The following RIT2 variants were observed in gnomAD, a reference collection of about 807,000 sequenced individuals.
The protein encoded by RIT2 is Ras like without CAAX 2.
RIT2 carries 24 observed loss-of-function variants against 23.7 expected under a neutral mutation model. The ratio of observed to expected loss-of-function variants is 1.01; its 90% CI spans 0.73 to 1.43. The LOEUF is 1.43. RIT2 is among the 40% of genes most tolerant of loss of function. The probability of loss-of-function intolerance (pLI) is 0.00; values close to 1 mark genes in which losing one functional copy is unlikely to be tolerated. For synonymous variants in RIT2, 107 were observed against 91.1 expected (o/e 1.17, Z -0.99); for missense variants, 236 against 266.9 (o/e 0.88, Z 0.81).
intron 4 of RIT2, among the ~76,000 whole-genome samples, chr18:42,908,377 A>G (rs1266234230): frequency 1.3e-5 from 2 of 152,172 alleles, no homozygotes; most frequent in East Asian, 1.9e-4. Context: ...CTAAGAAAGT[A>G]TTCAAATAAA....
rs1910163215 is a variant in RIT2, at chr18:42,964,351, G to A, written c.234+9723C>T. Among the ~76,000 whole-genome samples the A allele has an allele frequency of 1.3e-5, 2 of 151,790 alleles. 1 individual carries two copies. The highest frequency in any genetic ancestry group is 4.2e-4 in the South Asian group (2 of 4,812). On this transcript the variant is annotated intron_variant, in intron 3 of 4. Coordinates refer to ENST00000326695, the MANE Select transcript of RIT2 (RefSeq NM_002930.4). ...TGGTTCCTAAATAAGATAGCTACTAGATGAAAAGCTACATGCCTCCCCAGT... is the reference window on the plus strand; with the variant it reads ...TGGTTCCTAAATAAGATAGCTACTAAATGAAAAGCTACATGCCTCCCCAGT...
At chr18:43,010,919 G>A (rs1008473928) in intron 2 of RIT2, among the ~76,000 whole-genome samples, 2 of 151,712 alleles carry the variant, frequency 1.3e-5, no homozygotes, top group Admixed American at 6.6e-5. Flanking sequence ...CTGTTCCCAA[G>A]GTATATTTCT....
intron 4 of RIT2, among the ~76,000 whole-genome samples, chr18:42,873,261 C>T (rs924639760): frequency 7.9e-5 from 12 of 151,998 alleles, no homozygotes; most frequent in Admixed American, 5.9e-4. Flanking sequence ...GCTTTTTGTG[C>T]TTTATCTATT....
chr18:43,035,925 A>T (rs533890017), intron 1 of RIT2, among the ~76,000 whole-genome samples: 1 of 152,284 alleles, frequency 6.6e-6, no homozygotes, highest in South Asian at 2.1e-4. Context: ...TTTCTTTAAC[A>T]ATGTTAAGAA....
chr18:43,105,112 G>GTGTT (rs1214519054), intron 1 of RIT2, among the ~76,000 whole-genome samples: 1 of 150,800 alleles, frequency 6.6e-6, no homozygotes, highest in Non-Finnish European at 1.5e-5. Flanking sequence ...GTGTGTGTGT[G>GTGTT]TGTGTGTGTG....
At chr18:42,798,345 C>G (rs956448407) in intron 4 of RIT2, among the ~76,000 whole-genome samples, 2 of 152,122 alleles carry the variant, frequency 1.3e-5, no homozygotes, top group African/African-American at 4.8e-5. Context: ...GGAAATGGTA[C>G]CCCACAGTCA....
intron 2 of RIT2, among the ~76,000 whole-genome samples, chr18:43,030,535 C>T (rs1173188203): frequency 3.9e-5 from 6 of 152,028 alleles, no homozygotes. Context: ...TAATACAACA[C>T]TAGGAACCAT....
intron 4 of RIT2, among the ~76,000 whole-genome samples, chr18:42,834,545 T>C (rs1426148966): frequency 6.6e-6 from 1 of 152,080 alleles, no homozygotes; most frequent in Non-Finnish European, 1.5e-5. Context: ...TGTCTCTCTC[T>C]AAAACACACA....
intron 1 of RIT2, among the ~76,000 whole-genome samples, chr18:43,073,497 A>G (rs779982241): frequency 5.3e-5 from 8 of 152,204 alleles, no homozygotes; most frequent in Non-Finnish European, 7.3e-5. Flanking sequence ...ATATATTTAC[A>G]TGTAAATTAT....
intron 3 of RIT2, among the ~76,000 whole-genome samples, chr18:42,960,341 G>A (rs565010615): frequency 1.6e-3 from 244 of 152,178 alleles, no homozygotes; most frequent in African/African-American, 5.3e-3. Flanking sequence ...ATGGAGTCTC[G>A]CTCTGTCGCC....
At chr18:42,932,593 G>A (rs1233909086) in intron 3 of RIT2, among the ~76,000 whole-genome samples, 1 of 152,078 alleles carries the variant, frequency 6.6e-6, no homozygotes. Context: ...TTACCATTGT[G>A]CCTTCAGACA....
chr18:42,844,070 AC>A (rs1906841159), intron 4 of RIT2, among the ~76,000 whole-genome samples: 1 of 152,208 alleles, frequency 6.6e-6, no homozygotes, highest in Admixed American at 6.5e-5. Flanking sequence ...TTCTCAGCCT[AC>A]CATGCTCAAC....
intron 2 of RIT2, among the ~76,000 whole-genome samples, chr18:43,019,944 C>CAA (rs568472841): frequency 7.2e-6 from 1 of 139,012 alleles, no homozygotes; most frequent in African/African-American, 2.6e-5. Flanking sequence ...CAATAGTTAC[C>CAA]AAAAAAAAAA....
intron 4 of RIT2, among the ~76,000 whole-genome samples, chr18:42,760,919 T>A (rs1913285817): frequency 6.6e-6 from 1 of 152,224 alleles, no homozygotes; most frequent in Non-Finnish European, 1.5e-5. Context: ...CTCCTATGAT[T>A]AGATATTCTA....
Position 43,115,448 on chromosome 18 carries a change from T to G in RIT2, c.72A>C (p.Val24=). Residue 24 remains valine (V), a synonymous_variant, in exon 1 of 5, where the codon GTA becomes GTC. Transcript: ENST00000326695. ...TACCAACTCCCCCTGCTCCCAGCAT[T>G]ACCACCTTGTACTCTCTGGACCCGC... The part of the protein sequence containing the change: ...ASGGSREYKV[V]MLGAGGVGKS... 6.2e-7 allele frequency: 1 copy of G among 1,613,542 alleles called. No homozygotes were observed. The highest frequency in any genetic ancestry group is 2.2e-5 in the East Asian group (1 of 44,782).
intron 1 of RIT2, among the ~76,000 whole-genome samples, chr18:43,088,994 G>C (rs1439744187): frequency 6.6e-6 from 1 of 152,086 alleles, no homozygotes; most frequent in South Asian, 2.1e-4. Flanking sequence ...TAAGGTTCTT[G>C]AGATAGTTGT....
At chr18:43,033,472 T>A (rs1911904441) in intron 2 of RIT2, among the ~76,000 whole-genome samples, 1 of 152,140 alleles carries the variant, frequency 6.6e-6, no homozygotes, top group African/African-American at 2.4e-5. Flanking sequence ...TATAATCACA[T>A]CAATTTTATT....
chr18:43,017,333 T>G (rs1911497896), intron 2 of RIT2, among the ~76,000 whole-genome samples: 1 of 151,752 alleles, frequency 6.6e-6, no homozygotes. Context: ...CTCTAATTAT[T>G]TACATAATTG....
At chr18:42,805,686 A>G (rs1905663894) in intron 4 of RIT2, among the ~76,000 whole-genome samples, 1 of 152,208 alleles carries the variant, frequency 6.6e-6, no homozygotes, top group Non-Finnish European at 1.5e-5. Context: ...TATAATATCA[A>G]AGAATCACAC....
Sources: allele counts gnomAD v4.1 joint callset (sites outside exome capture counted in the v4.1 genomes callset), GRCh38; gene constraint gnomAD v4.1.1; transcripts MANE v1.5; gene names NCBI Gene and HGNC (gene_info 2026-07-23, HGNC 2026-07-21).